The following ASB7 variants were observed in gnomAD, a reference collection of about 807,000 sequenced individuals.
ASB7 encodes ankyrin repeat and SOCS box protein 7.
Under a neutral mutation model 32.5 loss-of-function variants are expected in ASB7, and 4 were observed. That is an observed-to-expected ratio of 0.12 (90% CI 0.06 to 0.28). ASB7 has a LOEUF of 0.28. ASB7 is among the 10% of genes least tolerant of loss of function. The pLI is 1.00. For missense variants in ASB7, 181 were observed against 407.1 expected (o/e 0.44, Z 4.78); for synonymous variants, 172 against 155.6 (o/e 1.11, Z -0.78).
chr15:100,638,808 A>C (rs1172996484), intron 5 of ASB7, among the ~76,000 whole-genome samples: 3 of 152,126 alleles, frequency 2.0e-5, no homozygotes, highest in Admixed American at 1.3e-4. Flanking sequence ...GCCCGCATGC[A>C]TTAGGTGTTT....
chr15:100,611,401 C>G (rs1488263058), intron 3 of ASB7, among the ~76,000 whole-genome samples: 1 of 148,914 alleles, frequency 6.7e-6, no homozygotes, highest in African/African-American at 2.5e-5. Context: ...TTTTTGTGAC[C>G]TATTAGAGAG....
Position 100,602,727 on chromosome 15 carries a change from G to A in ASB7, c.-592G>A, listed in dbSNP as rs1596990545. Reference sequence around the variant, plus strand: ...GGACCTCGCCGTCCCGAGACCTCCTGGGTCCCTCCGTAGCTGGAAGCCTCC... The same window carrying A: ...GGACCTCGCCGTCCCGAGACCTCCTAGGTCCCTCCGTAGCTGGAAGCCTCC... On this transcript the variant is annotated 5_prime_UTR_variant, in exon 1 of 6. Coordinates refer to ENST00000332783, the MANE Select transcript of ASB7 (RefSeq NM_198243.3). 1 of 369,220 alleles carries A rather than the reference G, an allele frequency of 2.7e-6. No homozygotes were observed. Among genetic ancestry groups the A allele is most frequent in the African/African-American group, 2.1e-5 (1 of 47,846 alleles). The allele number at this position is 369,220 out of a possible 1,614,324, so 22.9% of individuals were successfully genotyped here. A position where few individuals can be genotyped will look rare whatever the true frequency, so the allele number is the denominator to read the frequency against.
At chr15:100,645,620 G>T in intron 5 of ASB7, 1 of 857,334 alleles carries the variant, frequency 1.2e-6, no homozygotes, top group Admixed American at 1.8e-5. Flanking sequence ...TGGTTCATGG[G>T]TAGGAGACCG....
intron 4 of ASB7, among the ~76,000 whole-genome samples, chr15:100,618,107 T>C (rs921271176): frequency 5.3e-5 from 8 of 152,142 alleles, no homozygotes; most frequent in African/African-American, 1.9e-4. Context: ...GTATAGTTTC[T>C]TTTCTTTTTT....
At chr15:100,630,696 A>G (rs1343758231) in intron 5 of ASB7, among the ~76,000 whole-genome samples, 2 of 152,098 alleles carry the variant, frequency 1.3e-5, no homozygotes, top group African/African-American at 4.8e-5. Context: ...TAAAGCCTGG[A>G]AGTGTCTGGC....
intron 4 of ASB7, among the ~76,000 whole-genome samples, chr15:100,621,178 A>G (rs1212819512): frequency 1.3e-5 from 2 of 152,256 alleles, no homozygotes; most frequent in African/African-American, 2.4e-5. Flanking sequence ...TATCTTGCCA[A>G]TATAGAATTT....
intron 5 of ASB7, chr15:100,645,907 T>C (rs2039994389): frequency 2.9e-6 from 2 of 685,140 alleles, no homozygotes; most frequent in South Asian, 1.5e-5. Flanking sequence ...GATTGCTTCC[T>C]TGTGGCCAGA....
At chr15:100,637,345 G>A (rs2039931078) in intron 5 of ASB7, among the ~76,000 whole-genome samples, 1 of 152,170 alleles carries the variant, frequency 6.6e-6, no homozygotes, top group Non-Finnish European at 1.5e-5. Flanking sequence ...AGGACTTAGG[G>A]CCAGTCATAA....
At chr15:100,617,365 C>G (rs2039752506) in intron 4 of ASB7, among the ~76,000 whole-genome samples, 1 of 152,206 alleles carries the variant, frequency 6.6e-6, no homozygotes, top group Non-Finnish European at 1.5e-5. Flanking sequence ...GCCCCTCTTA[C>G]CTTTCCAGCT....
At position 100,602,976 on chromosome 15, in the gene ASB7, T is replaced by C. The variant is rs553060345; in HGVS notation, c.-343T>C. 79 of 399,114 alleles carry C rather than the reference T, an allele frequency of 2.0e-4. No homozygotes were observed. Among genetic ancestry groups the C allele is most frequent in the South Asian group, 7.6e-4 (6 of 7,876 alleles). 24.7% of individuals were successfully genotyped at this position (399,114 alleles called of 1,614,324 possible). A position where few individuals can be genotyped will look rare whatever the true frequency, so the allele number is the denominator to read the frequency against. On this transcript the variant is annotated 5_prime_UTR_variant, in exon 1 of 6. Transcript: ENST00000332783. ...AGGGTCCGGCCCTGCCTGGGGTATT[T>C]CTTCAATGGAGAAGTTGGTGAGTGT...
chr15:100,620,889 A>G (rs865780457), intron 4 of ASB7, among the ~76,000 whole-genome samples: 1 of 152,226 alleles, frequency 6.6e-6, no homozygotes, highest in South Asian at 2.1e-4. Context: ...AAAGCTCCAG[A>G]AGTTAAGTCT....
chr15:100,637,644 G>C (rs571757197), intron 5 of ASB7, among the ~76,000 whole-genome samples: 2 of 152,310 alleles, frequency 1.3e-5, no homozygotes, highest in Admixed American at 1.3e-4. Flanking sequence ...CATCAGTTTG[G>C]TTCCAGATTT....
intron 4 of ASB7, among the ~76,000 whole-genome samples, chr15:100,624,214 G>A (rs1179378767): frequency 2.0e-5 from 3 of 152,138 alleles, no homozygotes; most frequent in Non-Finnish European, 4.4e-5. Context: ...TTTGTTAGAA[G>A]AAAGAAGTTC....
At chr15:100,633,951 C>T (rs1441446313) in intron 5 of ASB7, among the ~76,000 whole-genome samples, 2 of 152,196 alleles carry the variant, frequency 1.3e-5, no homozygotes, top group East Asian at 3.9e-4. Context: ...GGTTACAGTT[C>T]TCCAGCCTCA....
chr15:100,643,784 C>T (rs1310751080), intron 5 of ASB7, among the ~76,000 whole-genome samples: 2 of 151,890 alleles, frequency 1.3e-5, no homozygotes, highest in South Asian at 2.1e-4. Context: ...TGATGCACCG[C>T]GCCCAGCCAG....
At chr15:100,612,789 T>G (rs1010461049) in intron 4 of ASB7, among the ~76,000 whole-genome samples, 1 of 152,202 alleles carries the variant, frequency 6.6e-6, no homozygotes, top group Non-Finnish European at 1.5e-5. Flanking sequence ...CTGTTGATTA[T>G]TGCTTAAGCG....
chr15:100,645,641 G>T, intron 5 of ASB7: 1 of 1,091,372 alleles, frequency 9.2e-7, no homozygotes, highest in Non-Finnish European at 1.4e-6. Context: ...TTTTACTGAT[G>T]TCTCCCAACC....
At position 100,648,509 on chromosome 15, in the gene ASB7, A is replaced by T. The variant is rs1567120057; in HGVS notation, c.*47A>T. 3.3e-6 allele frequency: 5 copies of T among 1,506,626 alleles called. No homozygotes were observed. The East Asian group carries it at 1.1e-4, about 35-fold the overall frequency. 93.3% of individuals were successfully genotyped at this position (1,506,626 alleles called of 1,614,324 possible). A position where few individuals can be genotyped will look rare whatever the true frequency, so the allele number is the denominator to read the frequency against. ...ATTAGGAGTTCTATTCTAGATACTT[A>T]AAAGGCTTTTTGCCTTGCACAAAGT... On this transcript the variant is annotated 3_prime_UTR_variant, in exon 6 of 6. Transcript: ENST00000332783.
At chr15:100,636,277 T>C (rs1344876773) in intron 5 of ASB7, among the ~76,000 whole-genome samples, 1 of 152,214 alleles carries the variant, frequency 6.6e-6, no homozygotes, top group Admixed American at 6.5e-5. Flanking sequence ...TCATTGACTT[T>C]GAGTTTGTTC....
Sources: allele counts gnomAD v4.1 joint callset (sites outside exome capture counted in the v4.1 genomes callset), GRCh38; gene constraint gnomAD v4.1.1; transcripts MANE v1.5; gene names NCBI Gene and HGNC (gene_info 2026-07-23, HGNC 2026-07-21).